Variants in APAF1 observed in about 807,000 individuals in gnomAD.
APAF1 encodes apoptotic peptidase activating factor 1.
APAF1 carries 91 observed loss-of-function variants against 152.4 expected under a neutral mutation model. The ratio of observed to expected loss-of-function variants is 0.60; its 90% confidence interval spans 0.50 to 0.71. The LOEUF is 0.71. APAF1 is among the 30% of genes least tolerant of loss of function. APAF1 has a pLI of 0.00. For missense variants in APAF1, 1,283 were observed against 1,472.0 expected (o/e 0.87, Z 2.10); for synonymous variants, 484 against 494.1 (o/e 0.98, Z 0.27).
At position 98,712,397 on chromosome 12, in the gene APAF1, C is replaced by T; in HGVS notation, c.2920C>T (p.Gln974Ter). The T allele has an allele frequency of 6.2e-7, 1 of 1,611,878 alleles. No homozygotes were observed. Among genetic ancestry groups the T allele is most frequent in the Non-Finnish European group, 8.5e-7 (1 of 1,178,030 alleles). Reference sequence around the variant, plus strand: ...CTGCTGTTGCTTAAGTCCACATCTTCAGTACATTGCATTTGGAGATGAAAA... The same window carrying T: ...CTGCTGTTGCTTAAGTCCACATCTTTAGTACATTGCATTTGGAGATGAAAA... Reference protein sequence around the residue: ...VSCCCLSPHLQYIAFGDENGA... With the variant: ...VSCCCLSPHL Residue 974 changes from glutamine to a stop codon, truncating the protein, a stop_gained, in exon 21 of 27, where the codon CAG becomes TAG. Transcript: ENST00000551964. LOFTEE classifies it high-confidence loss of function.
At chr12:98,683,095 C>G (rs766028734) in intron 14 of APAF1, 48 bp from the exon 15 acceptor site, 13 of 1,494,548 alleles carry the variant, frequency 8.7e-6, no homozygotes, top group African/African-American at 2.8e-5. Context: ...CTCTGTTCTC[C>G]CTTTGAAAAT....
In APAF1 at chr12:98,731,133, A is replaced by G. The variant is rs370598135; in HGVS notation, c.3601-1287A>G. On this transcript the variant is annotated intron_variant, in intron 26 of 26. Coordinates refer to ENST00000551964, the MANE Select transcript of APAF1 (RefSeq NM_181861.2). ...CCACTCATTAGCTTTGTGACCTTGC[A>G]CAAGATTGTTTAACTTCTGTGCCTT... Among the ~76,000 whole-genome samples the G allele has an allele frequency of 2.6e-5, 4 of 152,312 alleles. No homozygotes were observed. The East Asian group carries it at 7.7e-4, about 29-fold the overall frequency.
Position 98,696,739 on chromosome 12 carries a change from G to A in APAF1, c.2305-2669G>A, listed in dbSNP as rs1022237149. 3.9e-5 allele frequency among the ~76,000 whole-genome samples: 6 copies of A among 152,010 alleles called. No homozygotes were observed. The East Asian group carries it at 5.8e-4, about 15-fold the overall frequency. On this transcript the variant is annotated intron_variant, in intron 16 of 26. Coordinates refer to ENST00000551964, the MANE Select transcript of APAF1 (RefSeq NM_181861.2). ...TTGAACTCCTGGGCTCAAGTGGTCC[G>A]CTTGCCTAAGCCTCCCAAGGTGCTA...
intron 16 of APAF1, among the ~76,000 whole-genome samples, chr12:98,688,719 C>T (rs1243357654): frequency 6.6e-6 from 1 of 151,400 alleles, no homozygotes; most frequent in Non-Finnish European, 1.5e-5. Context: ...CTCAAGCAAT[C>T]CCAGTGCTGG....
intron 17 of APAF1, 47 bp downstream of exon 17, chr12:98,699,616 A>G: frequency 6.2e-7 from 1 of 1,602,504 alleles, no homozygotes; most frequent in Non-Finnish European, 8.5e-7. Flanking sequence ...AAGAAAGTTA[A>G]AACTTCTGTT....
chr12:98,690,596 G>T (rs192935446), intron 16 of APAF1, among the ~76,000 whole-genome samples: 1 of 152,068 alleles, frequency 6.6e-6, no homozygotes, highest in Non-Finnish European at 1.5e-5. Flanking sequence ...TTATTATTAG[G>T]TTGCCAAATG....
At chr12:98,666,487 A>G in intron 9 of APAF1, 130 bp downstream of exon 9, 2 of 848,912 alleles carry the variant, frequency 2.4e-6, no homozygotes, top group Non-Finnish European at 3.6e-6. Context: ...TAATATTAAC[A>G]TTTTATATAA....
chr12:98,725,622 G>T, intron 25 of APAF1, 82 bp downstream of exon 25: 4 of 1,587,926 alleles, frequency 2.5e-6, no homozygotes, highest in Non-Finnish European at 3.5e-6. Context: ...TTTGTTCACG[G>T]GCCAGGGAAG....
chr12:98,709,536 A>G (rs1423642979), intron 20 of APAF1, among the ~76,000 whole-genome samples: 1 of 152,214 alleles, frequency 6.6e-6, no homozygotes, highest in Non-Finnish European at 1.5e-5. Flanking sequence ...TTGCATTGAC[A>G]GAGATGTCCT....
chr12:98,689,466 G>A (rs1287083125), intron 16 of APAF1, among the ~76,000 whole-genome samples: 1 of 138,968 alleles, frequency 7.2e-6, no homozygotes, highest in South Asian at 2.3e-4. Flanking sequence ...GAGAGAGAGT[G>A]TGTGTGTCTG....
intron 5 of APAF1, among the ~76,000 whole-genome samples, chr12:98,661,192 C>T (rs1464291992): frequency 5.3e-5 from 8 of 151,994 alleles, no homozygotes; most frequent in African/African-American, 1.7e-4. Flanking sequence ...TGAGCCACTG[C>T]GCTCGGCCCC....
intron 16 of APAF1, among the ~76,000 whole-genome samples, chr12:98,697,221 GTGAGGTGA>G (rs143121294): frequency 0.015 from 2,355 of 152,298 alleles, 45 homozygotes; most frequent in African/African-American, 0.039. Context: ...AGGGAGTAGA[GTGAGGTGA>G]CTACCTCCTG....
intron 10 of APAF1, among the ~76,000 whole-genome samples, chr12:98,670,653 A>T (rs948967414): frequency 1.3e-5 from 2 of 151,678 alleles, no homozygotes; most frequent in Non-Finnish European, 2.9e-5. Context: ...TTTTTGTTTG[A>T]TATTTTGCTT....
At position 98,708,679 on chromosome 12, in the gene APAF1, C is replaced by A; in HGVS notation, c.2816C>A (p.Ala939Glu). 1.2e-6 allele frequency: 2 copies of A among 1,613,586 alleles called. No individual in the cohort carries two copies. The highest frequency in any genetic ancestry group is 1.1e-5 in the South Asian group (1 of 91,066). The change falls in exon 20 of 27, where the codon GCA becomes GAA. Residue 939 changes from alanine to glutamate, a missense_variant. Ala to Glu is a moderately radical substitution (Grantham distance 107, BLOSUM62 -1). Coordinates refer to ENST00000551964, the MANE Select transcript of APAF1 (RefSeq NM_181861.2). The stretch of plus-strand genomic sequence containing the variant: ...CAAGAAAATGAAGTGATGGTCCTTG[C>A]AGTTGACCATATAAGACGTCTGCAA... ...VFQENEVMVL[A>E]VDHIRRLQLI...
At chr12:98,661,747 GC>G (rs1204803887) in intron 5 of APAF1, among the ~76,000 whole-genome samples, 1 of 151,916 alleles carries the variant, frequency 6.6e-6, no homozygotes, top group Non-Finnish European at 1.5e-5. Flanking sequence ...GGGATTACAG[GC>G]CTAGAGTATT....
chr12:98,727,154 G>A lies in APAF1; in HGVS notation c.3457-19G>A. The A allele has an allele frequency of 6.2e-7, 1 of 1,612,932 alleles. No homozygotes were observed. Among genetic ancestry groups the A allele is most frequent in the Non-Finnish European group, 8.5e-7 (1 of 1,179,106 alleles). On this transcript the variant is annotated intron_variant, in intron 25 of 26. Transcript: ENST00000551964. ...TTCTGGATAACTCTGTTAATGAATT[G>A]TGTATCATGTTTATGTAGATATGGA...
In APAF1 at chr12:98,680,324, T is replaced by C; in HGVS notation, c.1968T>C (p.His656=). The change falls in exon 14 of 27, where the codon CAT becomes CAC. Residue 656 remains histidine, a synonymous_variant. Transcript: ENST00000551964. ...AGAAACTTCTAGAAATCAAGGCTCA[T>C]GAGGATGAAGTGCTTTGTTGTGCAT... is the stretch of plus-strand genomic sequence containing the variant. ...TGEKLLEIKA[H]EDEVLCCAFS... 1 of 1,613,496 alleles carries C rather than the reference T, an allele frequency of 6.2e-7. No homozygotes were observed. Among genetic ancestry groups the C allele is most frequent in the Non-Finnish European group, 8.5e-7 (1 of 1,179,758 alleles).
intron 16 of APAF1, among the ~76,000 whole-genome samples, chr12:98,694,402 G>A (rs1166549456): frequency 1.3e-5 from 2 of 152,024 alleles, no homozygotes; most frequent in East Asian, 3.8e-4. Flanking sequence ...TGAATTATTT[G>A]ATTTCTTCCT....
chr12:98,723,416 AT>A, intron 23 of APAF1, 104 bp downstream of exon 23: 2 of 1,322,596 alleles, frequency 1.5e-6, no homozygotes, highest in Non-Finnish European at 2.1e-6. Context: ...TTACTTAAAA[AT>A]TTTTAATTTT....
Sources: allele counts gnomAD v4.1 joint callset (sites outside exome capture counted in the v4.1 genomes callset), GRCh38; gene constraint gnomAD v4.1.1; transcripts MANE v1.5; gene names NCBI Gene and HGNC (gene_info 2026-07-23, HGNC 2026-07-21).